Variants in ATXN1 observed in about 807,000 individuals in gnomAD.
The protein encoded by ATXN1 is ataxin-1.
ATXN1 carries 8 observed loss-of-function variants against 56.4 expected under a neutral mutation model. That is an observed-to-expected ratio of 0.14 (90% CI 0.08 to 0.26). ATXN1 has a LOEUF of 0.26. Among genes scored for constraint, ATXN1 ranks in the 10% least tolerant of loss-of-function variants. ATXN1 has a pLI of 1.00. For synonymous variants in ATXN1, 514 were observed against 494.6 expected (o/e 1.04, Z -0.52); for missense variants, 987 against 1,106.5 (o/e 0.89, Z 1.53).
intron 6 of ATXN1, among the ~76,000 whole-genome samples, chr6:16,348,000 T>C (rs902561467): frequency 8.5e-5 from 13 of 152,196 alleles, no homozygotes; most frequent in African/African-American, 2.9e-4. Context: ...AGTGAGACCA[T>C]GAACCCACAG....
At chr6:16,747,672 A>C (rs369144484) in intron 2 of ATXN1, among the ~76,000 whole-genome samples, 57 of 152,232 alleles carry the variant, frequency 3.7e-4, no homozygotes, top group African/African-American at 1.3e-3. Context: ...AAAAAAAAAA[A>C]AACAAAAGTC....
chr6:16,331,949 C>A (rs1301673758), intron 6 of ATXN1, among the ~76,000 whole-genome samples: 1 of 152,160 alleles, frequency 6.6e-6, no homozygotes, highest in African/African-American at 2.4e-5. Flanking sequence ...TGGTCTTCTG[C>A]GAAATGATTG....
intron 4 of ATXN1, among the ~76,000 whole-genome samples, chr6:16,574,170 G>A (rs1300726731): frequency 6.6e-6 from 1 of 151,986 alleles, no homozygotes; most frequent in Non-Finnish European, 1.5e-5. Flanking sequence ...GGGATTACAG[G>A]TACACACCAC....
chr6:16,657,436 A>G (rs1309330060), intron 3 of ATXN1, among the ~76,000 whole-genome samples: 1 of 152,092 alleles, frequency 6.6e-6, no homozygotes, highest in Non-Finnish European at 1.5e-5. Context: ...TTAATCCCTT[A>G]TGTTTTCAGC....
rs1554138052 is a variant in ATXN1 at position 16,327,678 on chromosome 6, A to ATGC, written c.630_632dup (p.Gln210dup). 2,542 of 1,010,024 alleles carry ATGC rather than the reference A, an allele frequency of 2.5e-3. 16 individuals are homozygous for ATGC. In the African/African-American group the frequency reaches 0.032, roughly 13 times the overall value. 62.6% of individuals were successfully genotyped at this position (1,010,024 alleles called of 1,614,324 possible). On this transcript the variant is annotated inframe_insertion, in exon 7 of 8. Transcript: ENST00000436367. ...GCTGCTGCTGCTGCTGCTGCTGCTG[A>ATGC]TGCTGATGCTGCTGCTGCTGCTGCT...
rs576051063 is a variant in ATXN1, at chr6:16,532,900, T to C, written c.-360-10212A>G. On this transcript the variant is annotated intron_variant, in intron 4 of 7. Transcript: ENST00000436367. ...CTTCTAGGTATATACCCAAAAAAAC[T>C]GAAAGGAGGCACTTGAACAGATATT... Among the ~76,000 whole-genome samples the C allele has an allele frequency of 3.3e-5, 5 of 152,230 alleles. No individual in the cohort carries two copies. In the East Asian group the frequency reaches 9.7e-4, roughly 29 times the overall value.
chr6:16,666,663 A>G (rs1758431765), intron 2 of ATXN1: 1 of 151,770 alleles, frequency 6.6e-6, no homozygotes, highest in Non-Finnish European at 1.5e-5. Context: ...ATGCCACCAC[A>G]CTCAGTTACT....
At chr6:16,704,175 A>G (rs1025289859) in intron 2 of ATXN1, among the ~76,000 whole-genome samples, 2 of 152,246 alleles carry the variant, frequency 1.3e-5, no homozygotes, top group African/African-American at 4.8e-5. Flanking sequence ...GCACTGAGTT[A>G]AAAATAAAAA....
chr6:16,742,991 G>C lies in ATXN1; in HGVS notation c.-615+10242C>G, dbSNP rs547178994. Among the ~76,000 whole-genome samples the C allele has an allele frequency of 1.7e-3, 256 of 152,272 alleles. 2 individuals are homozygous for C. Among genetic ancestry groups the C allele is most frequent in the African/African-American group, 5.8e-3 (241 of 41,568 alleles). On this transcript the variant is annotated intron_variant, in intron 2 of 7. Transcript: ENST00000436367. Reference sequence around the variant, plus strand: ...TGAGTTGCAGAGTATGACCACGAGAGCACTTAAAGGAGACTGATCAAAGTC... The same window carrying C: ...TGAGTTGCAGAGTATGACCACGAGACCACTTAAAGGAGACTGATCAAAGTC...
intron 2 of ATXN1, among the ~76,000 whole-genome samples, chr6:16,692,126 C>T (rs1285329334): frequency 3.3e-5 from 5 of 152,128 alleles, no homozygotes; most frequent in Non-Finnish European, 5.9e-5. Context: ...CGTGGTGGCA[C>T]GCACCTGTAG....
chr6:16,703,508 A>G (rs16878842), intron 2 of ATXN1, among the ~76,000 whole-genome samples: 58,084 of 152,016 alleles, frequency 0.38, 11,171 homozygotes, highest in Middle Eastern at 0.4. Flanking sequence ...ATAACTCTAT[A>G]TTTCTCTTTA....
chr6:16,567,221 G>GA (rs1219704111), intron 4 of ATXN1, among the ~76,000 whole-genome samples: 7 of 152,036 alleles, frequency 4.6e-5, no homozygotes, highest in Non-Finnish European at 1.0e-4. Context: ...GAAGATGGCA[G>GA]AAAAAACATG....
chr6:16,462,646 A>G (rs1489937596), intron 6 of ATXN1, among the ~76,000 whole-genome samples: 9 of 152,092 alleles, frequency 5.9e-5, no homozygotes, highest in Non-Finnish European at 1.3e-4. Context: ...ACGCTCTTAC[A>G]TTTCCAACCT....
Position 16,592,691 on chromosome 6 carries a change from G to A in ATXN1, c.-488-6784C>T, listed in dbSNP as rs1581867834. ...GGAGTTGGTTCCTTCTGGTGGGTTC[G>A]TGGTCTCGCTGACTTCAAGAATGGA... On this transcript the variant is annotated intron_variant, in intron 3 of 7. Coordinates refer to ENST00000436367, the MANE Select transcript of ATXN1 (RefSeq NM_001128164.2). 2.0e-5 allele frequency among the ~76,000 whole-genome samples: 3 copies of A among 152,046 alleles called. No homozygotes were observed. In the East Asian group the frequency reaches 5.8e-4, roughly 29 times the overall value.
intron 6 of ATXN1, among the ~76,000 whole-genome samples, chr6:16,473,711 C>T (rs926197340): frequency 6.6e-6 from 1 of 152,166 alleles, no homozygotes; most frequent in African/African-American, 2.4e-5. Flanking sequence ...TGGTGGAGTT[C>T]TCCCACCAGA....
At chr6:16,688,084 T>C (rs1360151372) in intron 2 of ATXN1, among the ~76,000 whole-genome samples, 1 of 152,164 alleles carries the variant, frequency 6.6e-6, no homozygotes, top group East Asian at 1.9e-4. Context: ...CTATTAACAT[T>C]AGCTCTTCAA....
chr6:16,403,631 G>A (rs775705340), intron 6 of ATXN1, among the ~76,000 whole-genome samples: 4 of 152,180 alleles, frequency 2.6e-5, no homozygotes, highest in Non-Finnish European at 4.4e-5. Context: ...GATTACAGGC[G>A]TGAGCCATGG....
chr6:16,382,684 T>C (rs781590903), intron 6 of ATXN1, among the ~76,000 whole-genome samples: 1 of 152,060 alleles, frequency 6.6e-6, no homozygotes, highest in Non-Finnish European at 1.5e-5. Flanking sequence ...TACTGTAGCC[T>C]AGGTAGAGTG....
chr6:16,327,287 G>A lies in ATXN1; in HGVS notation c.1024C>T (p.Leu342=), dbSNP rs139148755. 487 of 1,613,358 alleles carry A rather than the reference G, an allele frequency of 3.0e-4. 2 individuals are homozygous for A. The African/African-American group carries it at 5.0e-3, about 16-fold the overall frequency. The change falls in exon 7 of 8, where the codon CTG becomes TTG. Residue 342 remains leucine, a synonymous_variant. Coordinates refer to ENST00000436367, the MANE Select transcript of ATXN1 (RefSeq NM_001128164.2). ...TTGCCGCCTGCCTTGCCCAGGCCCA[G>A]GTCGGCTGAGGACGGGGCCCCGTAC... The part of the protein sequence containing the change: ...RRYGAPSSAD[L]GLGKAGGKSV...
Sources: gnomAD v4.1 joint callset for allele counts (sites outside exome capture counted in the v4.1 genomes callset) on GRCh38, gnomAD v4.1.1 for gene constraint, MANE v1.5 for transcripts, NCBI Gene and HGNC (gene_info 2026-07-23, HGNC 2026-07-21) for gene names.